TMEM165: variants seen among roughly 807,000 people sequenced by gnomAD.
TMEM165 encodes the protein transmembrane protein 165, also known as putative divalent cation/proton antiporter TMEM165.
In TMEM165, 19 loss-of-function variants were observed where a neutral mutation model predicts 30.0. The ratio of observed to expected loss-of-function variants is 0.63; its 90% CI spans 0.44 to 0.93. The LOEUF is 0.93. Among genes scored for constraint, TMEM165 ranks in the 40% least tolerant of loss-of-function variants. The probability of loss-of-function intolerance (pLI) is 0.00; values close to 1 mark genes in which losing one functional copy is unlikely to be tolerated. For synonymous variants in TMEM165, 168 were observed against 162.9 expected (o/e 1.03, Z -0.24); for missense variants, 340 against 417.0 (o/e 0.82, Z 1.61).
rs1352586875 is a variant in TMEM165, at chr4:55,413,195, A to G, written c.433+1356A>G. Among the ~76,000 whole-genome samples the G allele has an allele frequency of 2.6e-5, 4 of 151,972 alleles. No individual in the cohort carries two copies. The East Asian group carries it at 5.8e-4, about 22-fold the overall frequency. Reference sequence around the variant, plus strand: ...GGGTCTGGTTGTGTTGCCCAGGCTGATCTTGAACTCCTGGGCTCAAGCTAT... The same window carrying G: ...GGGTCTGGTTGTGTTGCCCAGGCTGGTCTTGAACTCCTGGGCTCAAGCTAT... On this transcript the variant is annotated intron_variant, in intron 2 of 5. Transcript: ENST00000381334.
At position 55,398,889 on chromosome 4, in the gene TMEM165, CAA is replaced by C. The variant is rs1720840395; in HGVS notation, c.207+2494_207+2495del. ...CTCAACCAGGAAAAAAAAAAAAAAA[CAA>C]CAACCCGATTTTTAATAGTGTCTAT... On this transcript the variant is annotated intron_variant, in intron 1 of 5. Transcript: ENST00000381334. The C allele has an allele frequency of 1.1e-4, 3 of 26,964 alleles. 1 individual carries two copies. The South Asian group carries it at 0.013, about 118-fold the overall frequency. 1.7% of individuals were successfully genotyped at this position (26,964 alleles called of 1,614,324 possible). A position where few individuals can be genotyped will look rare whatever the true frequency, so the allele number is the denominator to read the frequency against.
At chr4:55,429,572 A>G (rs1037061203), downstream of TMEM165, 14 of 152,352 alleles carry the variant, frequency 9.2e-5, 1 homozygote, top group South Asian at 2.9e-3. Flanking sequence ...TTATTCCGCC[A>G]AATTTAAGAA....
intron 1 of TMEM165, among the ~76,000 whole-genome samples, chr4:55,403,495 T>TC (rs1239097268): frequency 2.3e-4 from 33 of 144,998 alleles, no homozygotes; most frequent in African/African-American, 6.0e-4. Context: ...CCTTTTTCTT[T>TC]TTCTTTTTTT....
intron 1 of TMEM165, among the ~76,000 whole-genome samples, chr4:55,405,050 A>AC (rs1721216123): frequency 6.6e-6 from 1 of 151,142 alleles, no homozygotes; most frequent in African/African-American, 2.4e-5. Flanking sequence ...TTTTTTTCCT[A>AC]TTTTTTTTCC....
intron 3 of TMEM165, among the ~76,000 whole-genome samples, chr4:55,446,954 A>G (rs917638770): frequency 3.3e-5 from 5 of 152,236 alleles, no homozygotes; most frequent in African/African-American, 4.8e-5. Flanking sequence ...CTTTGATTTC[A>G]GAAATTAACA....
chr4:55,423,612 A>G (rs530875), intron 4 of TMEM165: 112,554 of 151,890 alleles, frequency 0.74, 42,961 homozygotes, highest in East Asian at 0.98. Context: ...TTGTAGAGAC[A>G]AGGTCTCACT....
chr4:55,396,143 G>C lies in TMEM165; in HGVS notation c.-47G>C. ...TTCGGGGTCGAGGCTTCCCGTCGCC[G>C]GCACTTCCTCTTGCGGCGCCCGTGC... On this transcript the variant is annotated 5_prime_UTR_variant, in exon 1 of 6. Coordinates refer to ENST00000381334, the MANE Select transcript of TMEM165 (RefSeq NM_018475.5). 5.3e-6 allele frequency: 7 copies of C among 1,320,208 alleles called. No homozygotes were observed. Among genetic ancestry groups the C allele is most frequent in the Non-Finnish European group, 6.7e-6 (7 of 1,045,210 alleles). 81.8% of individuals were successfully genotyped at this position (1,320,208 alleles called of 1,614,324 possible).
intron 3 of TMEM165, among the ~76,000 whole-genome samples, chr4:55,442,792 G>A (rs578180781): frequency 3.9e-5 from 6 of 152,162 alleles, no homozygotes; most frequent in African/African-American, 7.2e-5. Flanking sequence ...GGAATGACTC[G>A]TGGTAACTGA....
At chr4:55,399,727 T>A (rs987067119) in intron 1 of TMEM165, among the ~76,000 whole-genome samples, 12 of 152,108 alleles carry the variant, frequency 7.9e-5, no homozygotes, top group Non-Finnish European at 1.6e-4. Context: ...TTTAAAGTTT[T>A]ATTTAATTTT....
At chr4:55,405,165 T>C (rs998839028) in intron 1 of TMEM165, among the ~76,000 whole-genome samples, 4 of 152,218 alleles carry the variant, frequency 2.6e-5, no homozygotes, top group African/African-American at 9.6e-5. Flanking sequence ...GAGCTTTAGC[T>C]GATAAATTTG....
chr4:55,405,183 A>G (rs2109531178), intron 1 of TMEM165, among the ~76,000 whole-genome samples: 1 of 152,228 alleles, frequency 6.6e-6, no homozygotes, highest in East Asian at 1.9e-4. Flanking sequence ...TTGGGCTGCC[A>G]GCAACCAGAT....
chr4:55,437,894 C>T (rs998846447), intron 3 of TMEM165, among the ~76,000 whole-genome samples: 2 of 152,104 alleles, frequency 1.3e-5, no homozygotes, highest in Admixed American at 6.5e-5. Flanking sequence ...TTTAAGGTAA[C>T]ACCTATACTA....
rs1314590393 is a variant in TMEM165 at position 55,425,485 on chromosome 4, A to G, written c.*33A>G. ...TTTGTTCATCTATATTTAGTTTAAA[A>G]TAGGTAGTATTATCTTTCTGTACAT... On this transcript the variant is annotated 3_prime_UTR_variant, in exon 6 of 6. Coordinates refer to ENST00000381334, the MANE Select transcript of TMEM165 (RefSeq NM_018475.5). The G allele has an allele frequency of 1.3e-6, 2 of 1,503,662 alleles. No homozygotes were observed. The highest frequency in any genetic ancestry group is 2.3e-5 in the East Asian group (1 of 44,250). 93.1% of individuals were successfully genotyped at this position (1,503,662 alleles called of 1,614,324 possible).
At chr4:55,442,908 A>C (rs1723494056) in intron 3 of TMEM165, among the ~76,000 whole-genome samples, 1 of 152,144 alleles carries the variant, frequency 6.6e-6, no homozygotes, top group Non-Finnish European at 1.5e-5. Flanking sequence ...ATTTCTGTTA[A>C]ATGCCCAAAG....
intron 1 of TMEM165, among the ~76,000 whole-genome samples, chr4:55,402,119 C>CAGAAAA (rs759507056): frequency 9.3e-5 from 10 of 107,034 alleles, no homozygotes; most frequent in Admixed American, 3.9e-4. Flanking sequence ...ACTCTGTCTC[C>CAGAAAA]AAAAAAAAAA....
chr4:55,412,987 A>T (rs73151822), intron 2 of TMEM165, among the ~76,000 whole-genome samples: 6,524 of 150,732 alleles, frequency 0.043, 463 homozygotes, highest in African/African-American at 0.15. Context: ...TTATTTATTT[A>T]TTTTTTTTTA....
chr4:55,450,309 A>C, intron 3 of TMEM165: 1 of 1,575,630 alleles, frequency 6.3e-7, no homozygotes, highest in East Asian at 2.2e-5. Context: ...TGTTAACAAC[A>C]ACAAAAAAAT....
chr4:55,427,018 T>A (rs1722235583), downstream of TMEM165, among the ~76,000 whole-genome samples: 1 of 147,660 alleles, frequency 6.8e-6, no homozygotes, highest in South Asian at 2.1e-4. Flanking sequence ...AAAGAAAGAG[T>A]GAGGAATTCT....
chr4:55,420,106 A>AAAAAAAAAAAAAAATATATATATATAT (rs1474254120), intron 4 of TMEM165, among the ~76,000 whole-genome samples: 1 of 45,436 alleles, frequency 2.2e-5, no homozygotes, highest in African/African-American at 8.3e-5. Context: ...AAGAAAAAAA[A>AAAAAAAAAAAAAAATATATATATATAT]ATATATATAT....
Sources: gnomAD v4.1 joint callset for allele counts (sites outside exome capture counted in the v4.1 genomes callset) on GRCh38, gnomAD v4.1.1 for gene constraint, MANE v1.5 for transcripts, NCBI Gene and HGNC (gene_info 2026-07-23, HGNC 2026-07-21) for gene names.